The following ZDHHC6 variants were observed in gnomAD, a reference collection of about 807,000 sequenced individuals.
The protein encoded by ZDHHC6 is palmitoyltransferase ZDHHC6.
In ZDHHC6, 32 loss-of-function variants were observed where a neutral mutation model predicts 57.8. The observed-to-expected ratio is 0.55, with a 90% confidence interval of 0.42 to 0.74. The LOEUF (loss-of-function observed/expected upper bound fraction) is 0.74. Among genes scored for constraint, ZDHHC6 ranks in the 30% least tolerant of loss-of-function variants. The pLI, the probability that ZDHHC6 is intolerant of heterozygous loss-of-function variation, is 0.00. For synonymous variants in ZDHHC6, 128 were observed against 158.0 expected, an observed-to-expected ratio of 0.81 and a Z score of 1.42; for missense variants, 433 against 500.7, an observed-to-expected ratio of 0.86 and a Z score of 1.29.
At position 112,433,260 on chromosome 10, in the gene ZDHHC6, CT is replaced by C; in HGVS notation, c.924del (p.Ala309GlnfsTer12). 1 of 1,588,054 alleles carries C rather than the reference CT, an allele frequency of 6.3e-7. No individual in the cohort carries two copies. The highest frequency in any genetic ancestry group is 1.8e-5 in the Admixed American group (1 of 55,104). ...YSLTIEQLKQ[K>X]ADKRVRSVRY... Reference sequence around the variant, plus strand: ...CTTACACTTCTGACTCTCTTATCTGCTTTTTGTTTCAACTGTTCTATCTGTT... The same window carrying C: ...CTTACACTTCTGACTCTCTTATCTGCTTTTGTTTCAACTGTTCTATCTGTT... On this transcript the variant is annotated frameshift_variant, in exon 8 of 11. Transcript: ENST00000369405. LOFTEE classifies it high-confidence loss of function.
intron 2 of ZDHHC6, 60 bp from the exon 3 acceptor site, chr10:112,443,666 C>A: frequency 7.4e-7 from 1 of 1,356,430 alleles, no homozygotes. Flanking sequence ...AGTATGATTC[C>A]TACGGTATGA....
chr10:112,433,537 T>C (rs1014464543), intron 7 of ZDHHC6: 3 of 313,150 alleles, frequency 9.6e-6, no homozygotes, highest in African/African-American at 6.4e-5. Context: ...CCTAGAGTGC[T>C]TACTGTGGCC....
downstream of ZDHHC6, chr10:112,425,456 T>C: frequency 6.2e-7 from 1 of 1,612,722 alleles, no homozygotes; most frequent in Non-Finnish European, 8.5e-7. Context: ...GTGTTACAAA[T>C]TTTTGTACAC....
chr10:112,429,979 TG>T (rs1296859364), downstream of ZDHHC6, among the ~76,000 whole-genome samples: 241 of 81,428 alleles, frequency 3.0e-3, 1 homozygote, highest in African/African-American at 0.011. Flanking sequence ...GGGGGGGGTG[TG>T]GGGGGGGTAT....
chr10:112,437,299 A>G (rs1212555217), intron 6 of ZDHHC6, among the ~76,000 whole-genome samples: 1 of 152,356 alleles, frequency 6.6e-6, no homozygotes, highest in African/African-American at 2.4e-5. Flanking sequence ...TACATAACAC[A>G]GTAAACTAGT....
chr10:112,446,278 A>T (rs1846700172), intron 1 of ZDHHC6, among the ~76,000 whole-genome samples: 1 of 152,122 alleles, frequency 6.6e-6, no homozygotes, highest in African/African-American at 2.4e-5. Context: ...GGAAGGGAGG[A>T]GATAGAGCGA....
In ZDHHC6 at chr10:112,433,141, G is replaced by A. The variant is rs141222112; in HGVS notation, c.945+99C>T. ...TATTAAGGAATACTATTTAATAAAGGCCAACAATTGGTTTCTAGTCAGTCA... is the reference window on the plus strand; with the variant it reads ...TATTAAGGAATACTATTTAATAAAGACCAACAATTGGTTTCTAGTCAGTCA... On this transcript the variant is annotated intron_variant, in intron 8 of 10. Transcript: ENST00000369405. The A allele has an allele frequency of 6.2e-5, 58 of 935,582 alleles. No individual in the cohort carries two copies. In the African/African-American group the frequency reaches 9.3e-4, roughly 15 times the overall value. 58.0% of individuals were successfully genotyped at this position (935,582 alleles called of 1,614,324 possible).
rs1844620462 is a variant in ZDHHC6, at chr10:112,425,189, C to T, written c.*448G>A. ...GCACGATGCTTCCCTCCCCTTTCAC[C>T]AAAGCCAAGAAAGAGAAATGAAAGA... is the stretch of plus-strand genomic sequence containing the variant. On this transcript the variant is annotated 3_prime_UTR_variant, in exon 12 of 12. Transcript: ENST00000626395. The T allele has an allele frequency of 6.1e-6, 4 of 658,140 alleles. No homozygotes were observed. In the South Asian group the frequency reaches 1.1e-4, roughly 17 times the overall value. 40.8% of individuals were successfully genotyped at this position (658,140 alleles called of 1,614,324 possible). A position where few individuals can be genotyped will look rare whatever the true frequency, so the allele number is the denominator to read the frequency against.
Position 112,445,431 on chromosome 10 carries a change from A to G in ZDHHC6, c.6T>C (p.Gly2=). Residue 2 remains glycine (G), a synonymous_variant, in exon 2 of 11, where the codon GGT becomes GGC. Coordinates refer to ENST00000369405, the MANE Select transcript of ZDHHC6 (RefSeq NM_022494.3). M[G]TFCSVIKFEN... is the part of the protein sequence containing the mutation. ...CAAACTTGATAACCGAACAGAATGTACCCATTTTGGCAAGGAAGAATGCCT... is the reference window on the plus strand; with the variant it reads ...CAAACTTGATAACCGAACAGAATGTGCCCATTTTGGCAAGGAAGAATGCCT... 6.2e-7 allele frequency: 1 copy of G among 1,612,626 alleles called. No homozygotes were observed. Among genetic ancestry groups the G allele is most frequent in the Non-Finnish European group, 8.5e-7 (1 of 1,178,834 alleles).
chr10:112,445,421 A>C lies in ZDHHC6; in HGVS notation c.16T>G (p.Ser6Ala). Residue 6 changes from serine (S) to alanine (A), a missense_variant, in exon 2 of 11, where the codon TCG becomes GCG. Transcript: ENST00000369405. The stretch of plus-strand genomic sequence containing the variant: ...TGTAGATTTTCAAACTTGATAACCG[A>C]ACAGAATGTACCCATTTTGGCAAGG... Reference protein sequence around the residue: MGTFCSVIKFENLQEL... With the variant: MGTFCAVIKFENLQEL... The C allele has an allele frequency of 6.2e-7, 1 of 1,614,080 alleles. No homozygotes were observed. The highest frequency in any genetic ancestry group is 1.1e-5 in the South Asian group (1 of 91,078).
upstream of ZDHHC6, chr10:112,447,379 G>A (rs774942511): frequency 5.0e-6 from 8 of 1,613,258 alleles, no homozygotes; most frequent in Admixed American, 1.7e-5. Context: ...CCGCCATGTC[G>A]TCCGACTTCG....
At chr10:112,443,083 G>T (rs1846288741) in intron 3 of ZDHHC6, among the ~76,000 whole-genome samples, 1 of 152,132 alleles carries the variant, frequency 6.6e-6, no homozygotes, top group African/African-American at 2.4e-5. Context: ...TAGGCACCTG[G>T]ATTATTAGAT....
At chr10:112,447,304 C>A, upstream of ZDHHC6, 2 of 1,527,152 alleles carry the variant, frequency 1.3e-6, no homozygotes, top group Non-Finnish European at 1.8e-6. Flanking sequence ...AGCCGCGGGG[C>A]CCCTCGCTGC....
intron 7 of ZDHHC6, among the ~76,000 whole-genome samples, chr10:112,433,808 T>C (rs1184926935): frequency 3.3e-5 from 5 of 152,158 alleles, no homozygotes; most frequent in Non-Finnish European, 7.3e-5. Flanking sequence ...AGATATAAGA[T>C]AGCAGAATTA....
downstream of ZDHHC6, chr10:112,428,379 T>TAAA: frequency 2.5e-6 from 1 of 398,590 alleles, no homozygotes; most frequent in Admixed American, 4.4e-5. Flanking sequence ...TACAGATACT[T>TAAA]ACGTTGTGGT....
At chr10:112,441,371 G>A (rs2133901427) in intron 4 of ZDHHC6, among the ~76,000 whole-genome samples, 1 of 152,256 alleles carries the variant, frequency 6.6e-6, no homozygotes, top group African/African-American at 2.4e-5. Flanking sequence ...AGTGACAAGT[G>A]CTGCCTAGGA....
At chr10:112,438,913 A>G (rs1212825979) in intron 5 of ZDHHC6, among the ~76,000 whole-genome samples, 1 of 152,190 alleles carries the variant, frequency 6.6e-6, no homozygotes, top group African/African-American at 2.4e-5. Flanking sequence ...TTCCACATAT[A>G]TAGGCTTTTA....
downstream of ZDHHC6, chr10:112,426,265 T>C (rs770905365): frequency 6.2e-7 from 1 of 1,613,770 alleles, no homozygotes; most frequent in Non-Finnish European, 8.5e-7. Context: ...TAGTCATCCT[T>C]AGTAGGAGTG....
At chr10:112,427,574 T>C, downstream of ZDHHC6, 1 of 381,812 alleles carries the variant, frequency 2.6e-6, no homozygotes, top group Non-Finnish European at 4.6e-6. Context: ...GTTGCTAATA[T>C]TAAGGCTTCA....
Sources: allele counts gnomAD v4.1 joint callset (sites outside exome capture counted in the v4.1 genomes callset), GRCh38; gene constraint gnomAD v4.1.1; transcripts MANE v1.5; gene names NCBI Gene and HGNC (gene_info 2026-07-23, HGNC 2026-07-21).